Variants in CCDC7 observed in about 807,000 individuals in gnomAD.
CCDC7 encodes the protein coiled-coil domain-containing protein 7.
In CCDC7, 183 loss-of-function variants were observed where a neutral mutation model predicts 196.9. That is an observed-to-expected ratio of 0.93 (90% confidence interval 0.82 to 1.05). CCDC7 has a LOEUF of 1.05. Ranked by LOEUF, CCDC7 falls within the 50% of genes least tolerant of loss-of-function variation. The pLI is 0.00. For missense variants in CCDC7, 1,540 were observed against 1,482.2 expected (o/e 1.04, Z -0.64); for synonymous variants, 525 against 484.6 (o/e 1.08, Z -1.10).
intron 30 of CCDC7, among the ~76,000 whole-genome samples, chr10:32,812,237 G>C (rs571374797): frequency 3.3e-5 from 5 of 151,932 alleles, no homozygotes; most frequent in African/African-American, 1.2e-4. Flanking sequence ...TAACAAAAAA[G>C]AAAATGACAA....
intron 31 of CCDC7, among the ~76,000 whole-genome samples, 174 bp from the exon 33 acceptor site, chr10:32,824,344 G>A (rs1324293879): frequency 6.6e-6 from 1 of 152,016 alleles, no homozygotes; most frequent in Non-Finnish European, 1.5e-5. Flanking sequence ...TTATATGATT[G>A]TTAATTGTTA....
At chr10:32,705,281 C>T (rs959973145) in intron 24 of CCDC7, among the ~76,000 whole-genome samples, 7 of 152,144 alleles carry the variant, frequency 4.6e-5, no homozygotes, top group South Asian at 2.1e-4. Flanking sequence ...GAGATTTTGT[C>T]GCCACCAGGC....
rs1588716619 is a variant in CCDC7 at position 32,456,469 on chromosome 10, C to A, written c.456+135C>A. 1.2e-5 allele frequency: 7 copies of A among 596,408 alleles called. No individual in the cohort carries two copies. The East Asian group carries it at 1.4e-4, about 12-fold the overall frequency. The allele number at this position is 596,408 out of a possible 1,614,324, so 36.9% of individuals were successfully genotyped here. On this transcript the variant is annotated intron_variant, in intron 3 of 41. Transcript: ENST00000639629. ...AGAAATTATAAATGGCATTGGAAAA[C>A]ATTATTTATTTATTTTTTATTCTTT...
chr10:32,474,372 C>T (rs999858181), intron 8 of CCDC7, among the ~76,000 whole-genome samples: 4 of 151,026 alleles, frequency 2.6e-5, no homozygotes, highest in Admixed American at 6.6e-5. Flanking sequence ...TACAGGCATG[C>T]ACCACCACAC....
upstream of CCDC7, among the ~76,000 whole-genome samples, chr10:32,445,144 C>T (rs768472493): frequency 4.6e-5 from 7 of 152,178 alleles, no homozygotes; most frequent in Non-Finnish European, 8.8e-5. Context: ...CGAGCCACCA[C>T]GCCCAGCCTG....
At chr10:32,586,787 A>G (rs950390351) in intron 18 of CCDC7, among the ~76,000 whole-genome samples, 1 of 152,096 alleles carries the variant, frequency 6.6e-6, no homozygotes, top group Non-Finnish European at 1.5e-5. Flanking sequence ...GCCTTGTAGT[A>G]TAGTTTGAAG....
At chr10:32,819,186 C>A (rs552288962) in intron 31 of CCDC7, among the ~76,000 whole-genome samples, 17 of 152,256 alleles carry the variant, frequency 1.1e-4, no homozygotes, top group African/African-American at 4.1e-4. Context: ...ACTATAAACA[C>A]CTCTACACAA....
intron 24 of CCDC7, 116 bp downstream of exon 25, chr10:32,695,108 A>C (rs2077544112): frequency 2.1e-6 from 1 of 474,560 alleles, no homozygotes; most frequent in Non-Finnish European, 3.7e-6. Context: ...TTTATACTTT[A>C]CAGTGTGAAT....
chr10:32,636,376 C>T (rs899469616), intron 20 of CCDC7, among the ~76,000 whole-genome samples: 5 of 152,132 alleles, frequency 3.3e-5, no homozygotes, highest in African/African-American at 1.2e-4. Flanking sequence ...CTATCCCTCC[C>T]CCTACCCCCA....
At chr10:32,763,108 A>C (rs2077709900) in intron 28 of CCDC7, among the ~76,000 whole-genome samples, 1 of 151,974 alleles carries the variant, frequency 6.6e-6, no homozygotes, top group African/African-American at 2.4e-5. Flanking sequence ...TGAATCATAT[A>C]TTGTTAGGTA....
At chr10:32,559,116 G>T (rs557440731) in intron 13 of CCDC7, among the ~76,000 whole-genome samples, 6 of 152,258 alleles carry the variant, frequency 3.9e-5, no homozygotes, top group African/African-American at 1.4e-4. Context: ...GGCTGGGGGA[G>T]GGGCGCCCGC....
rs183830077 is a variant in CCDC7, at chr10:32,701,614, C to G, written c.2458+6622C>G. On this transcript the variant is annotated intron_variant, in intron 24 of 41. Transcript: ENST00000639629. Reference sequence around the variant, plus strand: ...ATGGTACCAGCTCCTCTTTGTACCTCTGGTAGAATTCGGCTGTGAATCCAT... The same window carrying G: ...ATGGTACCAGCTCCTCTTTGTACCTGTGGTAGAATTCGGCTGTGAATCCAT... Among the ~76,000 whole-genome samples the G allele has an allele frequency of 7.9e-3, 1,205 of 152,266 alleles. 7 individuals are homozygous for G. Among genetic ancestry groups the G allele is most frequent in the Middle Eastern group, 0.02 (6 of 294 alleles).
intron 28 of CCDC7, among the ~76,000 whole-genome samples, chr10:32,733,790 C>T (rs2084385398): frequency 6.6e-6 from 1 of 152,044 alleles, no homozygotes; most frequent in Non-Finnish European, 1.5e-5. Context: ...TTATTGTGTG[C>T]AAATTTATAC....
At chr10:32,756,475 A>G (rs1365062081) in intron 28 of CCDC7, among the ~76,000 whole-genome samples, 1 of 152,174 alleles carries the variant, frequency 6.6e-6, no homozygotes, top group African/African-American at 2.4e-5. Context: ...AGAATTTTCA[A>G]CCCAGAATTT....
chr10:32,622,298 C>G (rs1256897543), intron 18 of CCDC7, among the ~76,000 whole-genome samples: 1 of 151,674 alleles, frequency 6.6e-6, no homozygotes, highest in African/African-American at 2.4e-5. Flanking sequence ...TTTTTTTTCT[C>G]AAATAGGTAA....
intron 9 of CCDC7, among the ~76,000 whole-genome samples, chr10:32,496,271 A>G (rs973927511): frequency 6.6e-6 from 1 of 152,142 alleles, no homozygotes; most frequent in Non-Finnish European, 1.5e-5. Context: ...TGCTCAGCTT[A>G]AGGAGATTTT....
chr10:32,578,587 T>C (rs911217819), intron 16 of CCDC7, among the ~76,000 whole-genome samples: 1 of 151,154 alleles, frequency 6.6e-6, no homozygotes, highest in Non-Finnish European at 1.5e-5. Context: ...AAGTTAACAA[T>C]AGGATTTGTG....
intron 25 of CCDC7, among the ~76,000 whole-genome samples, chr10:32,720,689 C>T (rs2082283532): frequency 6.6e-6 from 1 of 152,122 alleles, no homozygotes; most frequent in Non-Finnish European, 1.5e-5. Context: ...GCATTCAGTG[C>T]ACTTTCTGAG....
chr10:32,790,356 A>G (rs1236614991), intron 29 of CCDC7, among the ~76,000 whole-genome samples: 1 of 152,188 alleles, frequency 6.6e-6, no homozygotes, highest in Non-Finnish European at 1.5e-5. Flanking sequence ...TGCATTCTGC[A>G]TGCCTGCGGA....
Sources: gnomAD v4.1 joint callset for allele counts (sites outside exome capture counted in the v4.1 genomes callset) on GRCh38, gnomAD v4.1.1 for gene constraint, MANE v1.5 for transcripts, NCBI Gene and HGNC (gene_info 2026-07-23, HGNC 2026-07-21) for gene names.